GPC6: variants seen among roughly 807,000 people sequenced by gnomAD.
GPC6 encodes the protein glypican 6, also known as glypican-6.
Under a neutral mutation model 55.2 loss-of-function variants are expected in GPC6, and 14 were observed. The ratio of observed to expected loss-of-function variants is 0.25; its 90% CI spans 0.17 to 0.40. GPC6 has a LOEUF of 0.40. Ranked by LOEUF, GPC6 falls within the 10% of genes least tolerant of loss-of-function variation. The pLI is 1.00. For synonymous variants in GPC6, 278 were observed against 259.6 expected, an observed-to-expected ratio of 1.07 and a Z score of -0.68; for missense variants, 641 against 708.5, an observed-to-expected ratio of 0.90 and a Z score of 1.08.
intron 2 of GPC6, among the ~76,000 whole-genome samples, chr13:93,559,485 C>A (rs1594266716): frequency 6.6e-6 from 1 of 152,240 alleles, no homozygotes; most frequent in Non-Finnish European, 1.5e-5. Flanking sequence ...ATTGAATTTT[C>A]TCAGTAACAA....
At position 94,041,575 on chromosome 13, in the gene GPC6, T is replaced by C. The variant is rs559303494; in HGVS notation, c.877+13681T>C. Among the ~76,000 whole-genome samples, 3 of 151,992 alleles carry C rather than the reference T, an allele frequency of 2.0e-5. No homozygotes were observed. The South Asian group carries it at 6.2e-4, about 32-fold the overall frequency. ...CATTTTTGCTTAAAGCATTTCTCTG[T>C]TTAATTTAGAAATCTTAACATTCTC... On this transcript the variant is annotated intron_variant, in intron 4 of 8. Transcript: ENST00000377047.
Position 94,345,240 on chromosome 13 carries a change from T to C in GPC6, c.1153-37174T>C, listed in dbSNP as rs532625390. On this transcript the variant is annotated intron_variant, in intron 6 of 8. Coordinates refer to ENST00000377047, the MANE Select transcript of GPC6 (RefSeq NM_005708.5). Reference sequence around the variant, plus strand: ...GAAGACACCTGCAGGTCAATATTTTTCTGTCTTTCTTAACCTGACACCAAG... The same window carrying C: ...GAAGACACCTGCAGGTCAATATTTTCCTGTCTTTCTTAACCTGACACCAAG... Among the ~76,000 whole-genome samples, 214 of 152,320 alleles carry C rather than the reference T, an allele frequency of 1.4e-3. 1 individual carries two copies. Among genetic ancestry groups the C allele is most frequent in the African/African-American group, 4.9e-3 (204 of 41,582 alleles).
intron 1 of GPC6, among the ~76,000 whole-genome samples, chr13:93,303,596 A>T (rs377673205): frequency 3.5e-4 from 54 of 152,294 alleles, no homozygotes; most frequent in African/African-American, 1.2e-3. Context: ...AATGAATCAG[A>T]GGAAGCTTGA....
the GPC6 span, among the ~76,000 whole-genome samples, chr13:93,218,765 C>T: frequency 6.6e-6 from 1 of 152,158 alleles, no homozygotes; most frequent in Non-Finnish European, 1.5e-5. Flanking sequence ...AGTTCTTGTA[C>T]TTATTCATAC....
At chr13:94,189,390 C>A (rs1349496221) in intron 4 of GPC6, among the ~76,000 whole-genome samples, 1 of 152,142 alleles carries the variant, frequency 6.6e-6, no homozygotes, top group Non-Finnish European at 1.5e-5. Context: ...CCTTTCAAGC[C>A]TGGAAAGAGA....
At chr13:93,380,077 TTA>T (rs1875095124) in intron 1 of GPC6, among the ~76,000 whole-genome samples, 1 of 152,076 alleles carries the variant, frequency 6.6e-6, no homozygotes, top group Non-Finnish European at 1.5e-5. Flanking sequence ...TATTTACATT[TTA>T]TTTATGGTCT....
At chr13:94,386,034 A>C (rs1880385557) in intron 7 of GPC6, among the ~76,000 whole-genome samples, 1 of 152,240 alleles carries the variant, frequency 6.6e-6, no homozygotes, top group Admixed American at 6.5e-5. Flanking sequence ...CTGTAATCCC[A>C]ACACTTTGAG....
intron 2 of GPC6, among the ~76,000 whole-genome samples, chr13:93,548,861 G>A (rs955154437): frequency 1.3e-5 from 2 of 152,038 alleles, no homozygotes; most frequent in African/African-American, 4.8e-5. Context: ...TCTTTTTTAA[G>A]TTTTTGAATA....
intron 3 of GPC6, among the ~76,000 whole-genome samples, chr13:93,955,661 G>A (rs1430553732): frequency 6.6e-6 from 1 of 152,174 alleles, no homozygotes; most frequent in African/African-American, 2.4e-5. Flanking sequence ...ATGCTGAGAT[G>A]CTGGAGGAGG....
At chr13:94,128,628 C>CA (rs1159479983) in intron 4 of GPC6, among the ~76,000 whole-genome samples, 1 of 152,126 alleles carries the variant, frequency 6.6e-6, no homozygotes, top group African/African-American at 2.4e-5. Context: ...TTGGAAGTGA[C>CA]AGAGTGTTAC....
rs548889781 is a variant in GPC6, at chr13:94,015,202, A to C, written c.712-12527A>C. ...CTTCACATGTACACCCACACTGGTT[A>C]TTATCTGTCTTTTTTATTATTGTCA... On this transcript the variant is annotated intron_variant, in intron 3 of 8. Transcript: ENST00000377047. Among the ~76,000 whole-genome samples, 3 of 152,260 alleles carry C rather than the reference A, an allele frequency of 2.0e-5. No individual in the cohort carries two copies. The East Asian group carries it at 5.8e-4, about 29-fold the overall frequency.
At chr13:93,715,926 A>G (rs545839025) in intron 2 of GPC6, among the ~76,000 whole-genome samples, 2 of 151,768 alleles carry the variant, frequency 1.3e-5, no homozygotes, top group South Asian at 2.1e-4. Flanking sequence ...TCTATTCTAG[A>G]TATCATATAC....
At chr13:93,583,898 T>G (rs1003904956) in intron 2 of GPC6, among the ~76,000 whole-genome samples, 1 of 152,138 alleles carries the variant, frequency 6.6e-6, no homozygotes, top group East Asian at 1.9e-4. Context: ...TCTTCATCCC[T>G]CAACCACTGG....
intron 1 of GPC6, among the ~76,000 whole-genome samples, chr13:93,407,571 C>A (rs1876341248): frequency 6.6e-6 from 1 of 152,112 alleles, no homozygotes; most frequent in African/African-American, 2.4e-5. Context: ...GGAGAAAAAT[C>A]TCAAGTACAG....
chr13:93,490,150 C>G (rs1350815072), intron 1 of GPC6, among the ~76,000 whole-genome samples: 3 of 151,428 alleles, frequency 2.0e-5, no homozygotes, highest in Non-Finnish European at 2.9e-5. Flanking sequence ...CCATCAATAC[C>G]TAATTTATTG....
intron 3 of GPC6, among the ~76,000 whole-genome samples, chr13:93,997,233 A>C (rs1237627202): frequency 6.6e-6 from 1 of 152,314 alleles, no homozygotes; most frequent in Non-Finnish European, 1.5e-5. Flanking sequence ...ATGCCATAGG[A>C]GACATCACTT....
At chr13:94,354,857 G>A (rs541035131) in intron 6 of GPC6, among the ~76,000 whole-genome samples, 1 of 152,192 alleles carries the variant, frequency 6.6e-6, no homozygotes, top group Non-Finnish European at 1.5e-5. Context: ...TGATGATGGT[G>A]GTGGGGATGA....
intron 3 of GPC6, among the ~76,000 whole-genome samples, chr13:93,838,361 T>C (rs565946270): frequency 1.9e-4 from 29 of 152,064 alleles, no homozygotes; most frequent in Non-Finnish European, 3.1e-4. Context: ...AATCATCAGA[T>C]GTGGACTTAA....
chr13:93,257,000 T>TG (rs1876975192), intron 1 of GPC6, among the ~76,000 whole-genome samples: 1 of 151,698 alleles, frequency 6.6e-6, no homozygotes, highest in African/African-American at 2.4e-5. Flanking sequence ...TGTAACTTTG[T>TG]GAAAAAAAAA....
Sources: allele counts gnomAD v4.1 joint callset (sites outside exome capture counted in the v4.1 genomes callset), GRCh38; gene constraint gnomAD v4.1.1; transcripts MANE v1.5; gene names NCBI Gene and HGNC (gene_info 2026-07-23, HGNC 2026-07-21).